The following SLC25A48 variants were observed in gnomAD, a reference collection of about 807,000 sequenced individuals.
The protein encoded by SLC25A48 is solute carrier family 25 member 48.
Under a neutral mutation model 32.2 loss-of-function variants are expected in SLC25A48, and 29 were observed. The observed-to-expected ratio is 0.90, with a 90% CI of 0.67 to 1.23. The LOEUF is 1.23. Ranked by LOEUF, SLC25A48 falls within the 50% of genes most tolerant of loss-of-function variation. The probability of loss-of-function intolerance (pLI) is 0.00; values close to 1 mark genes in which losing one functional copy is unlikely to be tolerated. For synonymous variants in SLC25A48, 164 were observed against 172.3 expected, an observed-to-expected ratio of 0.95 and a Z score of 0.38; for missense variants, 399 against 422.7, an observed-to-expected ratio of 0.94 and a Z score of 0.49.
chr5:135,675,858 G>T (rs1178268256), intron 3 of SLC25A48, among the ~76,000 whole-genome samples: 4 of 152,006 alleles, frequency 2.6e-5, no homozygotes, highest in African/African-American at 9.7e-5. Context: ...CCATTTGTTT[G>T]TGTCCTCTTC....
chr5:135,841,045 A>T (rs1373173984), intron 1 of SLC25A48, among the ~76,000 whole-genome samples: 1 of 152,240 alleles, frequency 6.6e-6, no homozygotes, highest in Non-Finnish European at 1.5e-5. Context: ...GCAATGTACA[A>T]GAGTTCCAAT....
intron 4 of SLC25A48, among the ~76,000 whole-genome samples, chr5:135,866,879 G>A (rs1368464672): frequency 6.6e-6 from 1 of 152,220 alleles, no homozygotes; most frequent in Admixed American, 6.5e-5. Context: ...AGCCCTAACT[G>A]AAGTTGGGGA....
intron 1 of SLC25A48, among the ~76,000 whole-genome samples, chr5:135,620,432 A>G (rs1580729125): frequency 6.6e-6 from 1 of 152,312 alleles, no homozygotes; most frequent in East Asian, 1.9e-4. Flanking sequence ...ATGCACAGGT[A>G]GGGCAGCAGT....
intron 3 of SLC25A48, among the ~76,000 whole-genome samples, chr5:135,774,858 G>A (rs1035217773): frequency 5.3e-5 from 8 of 151,506 alleles, no homozygotes; most frequent in African/African-American, 1.9e-4. Context: ...TTGAGGTAAG[G>A]AGAGGAAGTT....
intron 1 of SLC25A48, among the ~76,000 whole-genome samples, chr5:135,624,155 TA>T (rs998528226): frequency 3.3e-5 from 5 of 152,190 alleles, no homozygotes; most frequent in African/African-American, 1.2e-4. Flanking sequence ...GTTACCTCCT[TA>T]GCTGGGTGCT....
chr5:135,581,800 C>T (rs1221571482), intron 1 of SLC25A48, among the ~76,000 whole-genome samples: 5 of 152,238 alleles, frequency 3.3e-5, no homozygotes, highest in African/African-American at 9.6e-5. Flanking sequence ...GTGAGTTCTT[C>T]TGGAGCCATG....
At chr5:135,690,244 T>C (rs1754114343) in intron 3 of SLC25A48, among the ~76,000 whole-genome samples, 1 of 152,168 alleles carries the variant, frequency 6.6e-6, no homozygotes, top group South Asian at 2.1e-4. Flanking sequence ...GAAGTGAATG[T>C]GGGAAGACTC....
intron 3 of SLC25A48, among the ~76,000 whole-genome samples, chr5:135,806,115 C>T (rs79624747): frequency 0.01 from 1,557 of 151,520 alleles, 27 homozygotes; most frequent in African/African-American, 0.035. Context: ...CCTTTGTTGT[C>T]GTTTTTATCA....
intron 6 of SLC25A48, among the ~76,000 whole-genome samples, chr5:135,878,924 C>A (rs1762241463): frequency 6.6e-6 from 1 of 152,142 alleles, no homozygotes; most frequent in Non-Finnish European, 1.5e-5. Context: ...TTTTCTGGGT[C>A]ATGTTGTCAT....
At position 135,871,638 on chromosome 5, in the gene SLC25A48, T is replaced by A. The variant is rs1761653146; in HGVS notation, c.599T>A (p.Val200Glu). Residue 200 changes from valine to glutamate, a missense_variant, in exon 5 of 8, where the codon GTG (valine) becomes GAG (glutamate). By Grantham distance (121) the Val-to-Glu change is moderately radical (BLOSUM62 -2). Coordinates refer to ENST00000681962, the MANE Select transcript of SLC25A48 (RefSeq NM_001349336.2). ...PGYCLYFIPY[V>E]FLSEWITPEA... ...TATTGCCTCTACTTCATCCCCTACG[T>A]GTTCCTGAGTGAGTGGATCACACCT... is the stretch of plus-strand genomic sequence containing the variant. The A allele has an allele frequency of 6.2e-7, 1 of 1,614,060 alleles. No individual in the cohort carries two copies. The highest frequency in any genetic ancestry group is 1.3e-5 in the African/African-American group (1 of 74,926).
At chr5:135,819,750 CAAT>C (rs781345391) in intron 4 of SLC25A48, among the ~76,000 whole-genome samples, 107 of 152,094 alleles carry the variant, frequency 7.0e-4, no homozygotes, top group Admixed American at 2.2e-3. Flanking sequence ...TTAATTATAA[CAAT>C]AAAGTTATTA....
intron 1 of SLC25A48, among the ~76,000 whole-genome samples, chr5:135,594,119 G>C (rs538424894): frequency 3.3e-5 from 5 of 152,196 alleles, no homozygotes; most frequent in Non-Finnish European, 5.9e-5. Flanking sequence ...TCTCAAACAC[G>C]GTGACTTTAG....
chr5:135,798,282 G>C (rs1171545845), intron 3 of SLC25A48, among the ~76,000 whole-genome samples: 2 of 151,784 alleles, frequency 1.3e-5, no homozygotes, highest in Non-Finnish European at 2.9e-5. Flanking sequence ...TATCCAGGGG[G>C]AAAGAGGATG....
chr5:135,834,545 C>T (rs940930895), upstream of SLC25A48: 8 of 427,272 alleles, frequency 1.9e-5, no homozygotes, highest in Non-Finnish European at 2.9e-5. Context: ...AAGAGAATTT[C>T]ACTTGATGAC....
At chr5:135,699,499 G>A (rs914806078) in intron 3 of SLC25A48, among the ~76,000 whole-genome samples, 2 of 152,132 alleles carry the variant, frequency 1.3e-5, no homozygotes, top group Non-Finnish European at 2.9e-5. Context: ...ACTTGTCTAC[G>A]ATGATGGAAA....
chr5:135,655,185 T>G (rs1390293672), intron 3 of SLC25A48, among the ~76,000 whole-genome samples: 1 of 152,104 alleles, frequency 6.6e-6, no homozygotes, highest in Admixed American at 6.5e-5. Context: ...GAGATGCAAC[T>G]TCAGGGGAAG....
chr5:135,775,017 A>G (rs1375628746), intron 3 of SLC25A48, among the ~76,000 whole-genome samples: 1 of 151,728 alleles, frequency 6.6e-6, no homozygotes, highest in African/African-American at 2.4e-5. Context: ...TGACAATGAT[A>G]TTACTGTCTG....
At chr5:135,671,103 T>G (rs1753643413) in intron 3 of SLC25A48, among the ~76,000 whole-genome samples, 1 of 152,198 alleles carries the variant, frequency 6.6e-6, no homozygotes, top group South Asian at 2.1e-4. Context: ...GCTAGCTGGC[T>G]CCTAGCCAGC....
chr5:135,603,485 T>A (rs1751849769), intron 1 of SLC25A48, among the ~76,000 whole-genome samples: 1 of 152,260 alleles, frequency 6.6e-6, no homozygotes, highest in South Asian at 2.1e-4. Flanking sequence ...AGAATCCTGA[T>A]GAGGCAGGAC....
Sources: gnomAD v4.1 joint callset for allele counts (sites outside exome capture counted in the v4.1 genomes callset) on GRCh38, gnomAD v4.1.1 for gene constraint, MANE v1.5 for transcripts, NCBI Gene and HGNC (gene_info 2026-07-23, HGNC 2026-07-21) for gene names.